The following TIAM2 variants were observed in gnomAD, a reference collection of about 807,000 sequenced individuals.
TIAM2 encodes TIAM Rac1 associated GEF 2, also known as rho guanine nucleotide exchange factor TIAM2.
Under a neutral mutation model 152.9 loss-of-function variants are expected in TIAM2, and 80 were observed. That is an observed-to-expected ratio of 0.52 (90% confidence interval 0.44 to 0.63). The LOEUF (loss-of-function observed/expected upper bound fraction) is 0.63, where lower values mean the gene tolerates loss of function less well. Among genes scored for constraint, TIAM2 ranks in the 30% least tolerant of loss-of-function variants. TIAM2 has a pLI of 0.00. For missense variants in TIAM2, 1,965 were observed against 2,120.1 expected (o/e 0.93, Z 1.44); for synonymous variants, 804 against 838.0 (o/e 0.96, Z 0.70).
At chr6:155,028,830 T>TATATACTACATGTA (rs1562294645) in intron 1 of TIAM2, among the ~76,000 whole-genome samples, 5 of 128,128 alleles carry the variant, frequency 3.9e-5, no homozygotes, top group African/African-American at 1.3e-4. Context: ...TATACTGTGT[T>TATATACTACATGTA]ATATATATAC....
In TIAM2 at chr6:155,218,380, GC is replaced by G. The variant is rs1164132380; in HGVS notation, c.3168+7076del. On this transcript the variant is annotated intron_variant, in intron 15 of 26. Coordinates refer to ENST00000682666, the MANE Select transcript of TIAM2 (RefSeq NM_012454.4). This position sits in a 1 kb window ranked among gnomAD's most constrained non-coding sequence, Gnocchi z 4.5. The stretch of plus-strand genomic sequence containing the variant: ...TGTCACAAAGACCTAATTCCAGGTA[GC>G]CCTTTCTTGGAGGCAGTGGTATGTT... Among the ~76,000 whole-genome samples, 1 of 152,188 alleles carries G rather than the reference GC, an allele frequency of 6.6e-6. No homozygotes were observed. The highest frequency in any genetic ancestry group is 1.5e-5 in the Non-Finnish European group (1 of 68,036).
intron 1 of TIAM2, among the ~76,000 whole-genome samples, chr6:155,065,553 G>A (rs933216236): frequency 1.8e-4 from 28 of 152,078 alleles, no homozygotes; most frequent in African/African-American, 6.7e-4. Flanking sequence ...GGAGGTGGGT[G>A]GATTGCCTGA....
chr6:155,254,047 C>T lies in TIAM2; in HGVS notation c.4300C>T (p.Gln1434Ter). Residue 1434 changes from glutamine to a stop codon, truncating the protein, a stop_gained, in exon 25 of 27, where the codon CAG becomes TAG. Transcript: ENST00000682666. LOFTEE classifies it high-confidence loss of function. ...EIEGRPETIF[Q>*]LCCSDSESKT... The stretch of plus-strand genomic sequence containing the variant: ...AGAAGGACGGCCAGAAACCATCTTT[C>T]AGTTGTGTTGCAGGTATGACTGACT... 1 of 1,614,078 alleles carries T rather than the reference C, an allele frequency of 6.2e-7. No homozygotes were observed. The highest frequency in any genetic ancestry group is 8.5e-7 in the Non-Finnish European group (1 of 1,179,972).
Position 155,168,788 on chromosome 6 carries a change from T to G in TIAM2, c.2361+3379T>G, listed in dbSNP as rs565578436. Reference sequence around the variant, plus strand: ...TTTTTAAATAATGAAAAAGGGTAGCTGGCAGATGAATATTACAGGGCCATT... The same window carrying G: ...TTTTTAAATAATGAAAAAGGGTAGCGGGCAGATGAATATTACAGGGCCATT... On this transcript the variant is annotated intron_variant, in intron 9 of 26. Transcript: ENST00000682666. The G allele has an allele frequency of 3.7e-4, 519 of 1,385,970 alleles. 3 individuals carry two copies. In the African/African-American group the frequency reaches 6.6e-3, roughly 18 times the overall value. 85.9% of individuals were successfully genotyped at this position (1,385,970 alleles called of 1,614,324 possible). A position where few individuals can be genotyped will look rare whatever the true frequency, so the allele number is the denominator to read the frequency against.
chr6:155,118,724 C>T (rs370891908), intron 2 of TIAM2, among the ~76,000 whole-genome samples: 5 of 151,900 alleles, frequency 3.3e-5, no homozygotes, highest in South Asian at 4.2e-4. Flanking sequence ...CGTGAGCCAC[C>T]GCGCACGGCC....
intron 14 of TIAM2, among the ~76,000 whole-genome samples, chr6:155,206,939 T>C (rs1280965876): frequency 6.6e-6 from 1 of 152,232 alleles, no homozygotes; most frequent in African/African-American, 2.4e-5. Context: ...TGAACATCTG[T>C]ACTGTGCAAT....
chr6:155,076,846 C>T (rs1777972424), intron 1 of TIAM2, among the ~76,000 whole-genome samples: 1 of 152,200 alleles, frequency 6.6e-6, no homozygotes, highest in South Asian at 2.1e-4. Flanking sequence ...CATGCGTGTA[C>T]CGCCATGCCT....
intron 1 of TIAM2, among the ~76,000 whole-genome samples, chr6:155,041,569 T>TA (rs1777048091): frequency 6.6e-6 from 1 of 152,108 alleles, no homozygotes; most frequent in Non-Finnish European, 1.5e-5. Flanking sequence ...AAAAAGGAAT[T>TA]AAAAAAAGAA....
Position 155,172,657 on chromosome 6 carries a change from T to TAGATATAG in TIAM2, c.2362-4158_2362-4157insGATATAGA, listed in dbSNP as rs1780620396. Among the ~76,000 whole-genome samples the TAGATATAG allele has an allele frequency of 6.6e-4, 7 of 10,606 alleles. 1 individual carries two copies. Among genetic ancestry groups the TAGATATAG allele is most frequent in the African/African-American group, 1.6e-3 (7 of 4,492 alleles). 7.0% of individuals were successfully genotyped at this position (10,606 alleles called of 152,430 possible). On this transcript the variant is annotated intron_variant, in intron 9 of 26. Transcript: ENST00000682666. The stretch of plus-strand genomic sequence containing the variant: ...CTAGTTGGAAATATATATATATATA[T>TAGATATAG]ATATATATATATATATATATATATA...
chr6:155,080,104 C>G (rs1778031338), intron 1 of TIAM2, among the ~76,000 whole-genome samples: 1 of 152,198 alleles, frequency 6.6e-6, no homozygotes, highest in Admixed American at 6.5e-5. Flanking sequence ...AATCACAACC[C>G]AAAGTAGCCT....
rs575151313 is a variant in TIAM2, at chr6:155,046,405, G to T, written c.-208-43884G>T. 7.2e-5 allele frequency among the ~76,000 whole-genome samples: 10 copies of T among 137,996 alleles called. No individual in the cohort carries two copies. The Admixed American group carries it at 8.3e-4, about 11-fold the overall frequency. The allele number at this position is 137,996 out of a possible 152,430, so 90.5% of individuals were successfully genotyped here. A position where few individuals can be genotyped will look rare whatever the true frequency, so the allele number is the denominator to read the frequency against. The stretch of plus-strand genomic sequence containing the variant: ...AGGTGGAGTGCAGTGGCGTGATCTC[G>T]GCTCACTGCAGCCTCCGCCTCCCAG... On this transcript the variant is annotated intron_variant, in intron 1 of 26. Transcript: ENST00000682666.
chr6:155,253,240 G>T (rs1471200121), intron 24 of TIAM2, 187 bp downstream of exon 24: 4 of 516,828 alleles, frequency 7.7e-6, no homozygotes, highest in South Asian at 3.4e-5. Context: ...AATGCTGGTG[G>T]ATAGCTTTTT....
At chr6:155,122,861 T>C (rs1779203478) in intron 2 of TIAM2, among the ~76,000 whole-genome samples, 1 of 152,126 alleles carries the variant, frequency 6.6e-6, no homozygotes, top group East Asian at 1.9e-4. Flanking sequence ...TTTTTTTTTT[T>C]TTGAAGAGTT....
At chr6:155,197,096 T>G (rs1035548673) in intron 14 of TIAM2, among the ~76,000 whole-genome samples, 1 of 152,224 alleles carries the variant, frequency 6.6e-6, no homozygotes, top group African/African-American at 2.4e-5. Context: ...GTTTCTAGAG[T>G]GGCAGGATGC....
At chr6:155,172,663 T>TAG (rs1351278108) in intron 9 of TIAM2, among the ~76,000 whole-genome samples, 31 of 7,934 alleles carry the variant, frequency 3.9e-3, no homozygotes, top group African/African-American at 0.012. Context: ...TATATATATA[T>TAG]ATATATATAT....
At chr6:155,027,656 TTACA>T (rs1410243635) in intron 1 of TIAM2, among the ~76,000 whole-genome samples, 1 of 3,568 alleles carries the variant, frequency 2.8e-4, no homozygotes, top group East Asian at 5.7e-3. Flanking sequence ...ATGTACTGTG[TTACA>T]TATATACTAT....
intron 10 of TIAM2, 34 bp from the exon 11 acceptor site, chr6:155,179,005 T>C (rs1229035269): frequency 2.6e-6 from 4 of 1,519,578 alleles, no homozygotes; most frequent in Admixed American, 3.5e-5. Context: ...AGAAAGAGCA[T>C]TTAAAATCTG....
intron 1 of TIAM2, among the ~76,000 whole-genome samples, chr6:155,010,596 C>T (rs1366543919): frequency 1.3e-5 from 2 of 152,142 alleles, no homozygotes; most frequent in African/African-American, 2.4e-5. Context: ...GCTGGGATTA[C>T]AGGCATGCGC....
chr6:155,242,400 G>A (rs1457777567), intron 16 of TIAM2, among the ~76,000 whole-genome samples: 2 of 152,184 alleles, frequency 1.3e-5, no homozygotes, highest in African/African-American at 4.8e-5. Context: ...TGACATCTAT[G>A]TGTTCCCTGA....
Sources: allele counts gnomAD v4.1 joint callset (sites outside exome capture counted in the v4.1 genomes callset), GRCh38; gene constraint gnomAD v4.1.1; non-coding constraint Gnocchi (gnomAD v3.1); transcripts MANE v1.5; gene names NCBI Gene and HGNC (gene_info 2026-07-23, HGNC 2026-07-21).